Variants in RAB1A observed in about 807,000 individuals in gnomAD.
The protein encoded by RAB1A is ras-related protein Rab-1A.
RAB1A carries 2 observed loss-of-function variants against 26.0 expected under a neutral mutation model. That is an observed-to-expected ratio of 0.08 (90% CI 0.03 to 0.24). The LOEUF is 0.24. RAB1A is among the 10% of genes least tolerant of loss of function. RAB1A has a pLI of 1.00. For missense variants in RAB1A, 100 were observed against 247.0 expected (o/e 0.40, Z 3.99); for synonymous variants, 84 against 84.9 (o/e 0.99, Z 0.06).
chr2:65,115,718 A>G (rs1000771599), intron 1 of RAB1A, among the ~76,000 whole-genome samples: 18 of 152,358 alleles, frequency 1.2e-4, no homozygotes, highest in African/African-American at 4.3e-4. Flanking sequence ...CAATTAAAAA[A>G]AAATGCTTCC....
intron 1 of RAB1A, among the ~76,000 whole-genome samples, chr2:65,110,642 T>C (rs1354756200): frequency 1.3e-5 from 2 of 152,030 alleles, no homozygotes; most frequent in East Asian, 3.9e-4. Context: ...ACATTAATAA[T>C]TGCTGCAATG....
rs1573060186 is a variant in RAB1A, at chr2:65,088,297, G to A, written c.*196C>T. The A allele has an allele frequency of 1.9e-6, 1 of 517,870 alleles. No individual in the cohort carries two copies. Among genetic ancestry groups the A allele is most frequent in the East Asian group, 3.2e-5 (1 of 31,632 alleles). The allele number at this position is 517,870 out of a possible 1,614,324, so 32.1% of individuals were successfully genotyped here. A position where few individuals can be genotyped will look rare whatever the true frequency, so the allele number is the denominator to read the frequency against. ...GCACACAAAGGTTTAAAACAGTTCT[G>A]AAAATGAAGTTAGCTGTCTTGAGTC... On this transcript the variant is annotated 3_prime_UTR_variant, in exon 6 of 6. Coordinates refer to ENST00000409784, the MANE Select transcript of RAB1A (RefSeq NM_004161.5).
intron 2 of RAB1A, among the ~76,000 whole-genome samples, chr2:65,102,145 T>A (rs1452551365): frequency 6.6e-6 from 1 of 152,222 alleles, no homozygotes; most frequent in Non-Finnish European, 1.5e-5. Context: ...GCAAATGTGC[T>A]TTATATGTTG....
At chr2:65,107,748 T>C (rs1027079228) in intron 1 of RAB1A, among the ~76,000 whole-genome samples, 6 of 152,200 alleles carry the variant, frequency 3.9e-5, no homozygotes, top group African/African-American at 1.4e-4. Context: ...TTTGCTGTAC[T>C]GGAGCCAGTT....
intron 2 of RAB1A, among the ~76,000 whole-genome samples, chr2:65,099,966 A>G (rs1446403319): frequency 6.6e-6 from 1 of 152,216 alleles, no homozygotes; most frequent in African/African-American, 2.4e-5. Flanking sequence ...CAGTTTCTGC[A>G]AAAAGTCAAT....
chr2:65,117,239 T>C (rs533092081), intron 1 of RAB1A, among the ~76,000 whole-genome samples: 1 of 152,072 alleles, frequency 6.6e-6, no homozygotes, highest in Non-Finnish European at 1.5e-5. Context: ...TATTTTTTAT[T>C]TTTAGTTTTT....
intron 3 of RAB1A, among the ~76,000 whole-genome samples, chr2:65,095,949 C>T (rs895293195): frequency 2.0e-5 from 3 of 151,980 alleles, no homozygotes; most frequent in African/African-American, 7.3e-5. Context: ...GTCAGGAGTT[C>T]GAGACCAGCC....
intron 1 of RAB1A, among the ~76,000 whole-genome samples, chr2:65,113,623 T>C (rs1669755096): frequency 6.6e-6 from 1 of 152,248 alleles, no homozygotes; most frequent in African/African-American, 2.4e-5. Context: ...CAAAATTCTA[T>C]TTAGGTAAAA....
At chr2:65,102,621 T>C (rs1202919018) in intron 2 of RAB1A, among the ~76,000 whole-genome samples, 1 of 111,500 alleles carries the variant, frequency 9.0e-6, no homozygotes, top group Admixed American at 1.0e-4. Flanking sequence ...AGCTGTTCTT[T>C]CAAGTTAAAA....
At chr2:65,115,958 C>G (rs1310014524) in intron 1 of RAB1A, among the ~76,000 whole-genome samples, 2 of 152,062 alleles carry the variant, frequency 1.3e-5, no homozygotes, top group Admixed American at 6.6e-5. Flanking sequence ...GAGTTCAAAA[C>G]CAGCCTGGCC....
rs1046730573 is a variant in RAB1A, at chr2:65,088,859, T to A, written c.420+80A>T. 7.0e-6 allele frequency: 10 copies of A among 1,431,736 alleles called. No individual in the cohort carries two copies. In the African/African-American group the frequency reaches 1.3e-4, roughly 18 times the overall value. 88.7% of individuals were successfully genotyped at this position (1,431,736 alleles called of 1,614,324 possible). On this transcript the variant is annotated intron_variant, in intron 5 of 5. Coordinates refer to ENST00000409784, the MANE Select transcript of RAB1A (RefSeq NM_004161.5). Reference sequence around the variant, plus strand: ...TCTAGTGCACATATTTTTAAAAGGCTGTGGCCTTACTGTTACTGCAGAACC... The same window carrying A: ...TCTAGTGCACATATTTTTAAAAGGCAGTGGCCTTACTGTTACTGCAGAACC...
intron 1 of RAB1A, among the ~76,000 whole-genome samples, chr2:65,109,759 A>T (rs187037547): frequency 2.0e-5 from 3 of 152,036 alleles, no homozygotes; most frequent in Non-Finnish European, 2.9e-5. Flanking sequence ...AAGATTTACA[A>T]TTGTCACCCT....
At chr2:65,095,210 T>G (rs1390773791) in intron 3 of RAB1A, among the ~76,000 whole-genome samples, 10 of 152,146 alleles carry the variant, frequency 6.6e-5, no homozygotes, top group Non-Finnish European at 1.0e-4. Context: ...TTTTTCTGTA[T>G]GTTTTGCAAA....
chr2:65,091,883 T>A (rs1197626438), intron 3 of RAB1A, among the ~76,000 whole-genome samples: 1 of 152,246 alleles, frequency 6.6e-6, no homozygotes, highest in Non-Finnish European at 1.5e-5. Flanking sequence ...AATACTTTCA[T>A]AAAACGTATT....
At chr2:65,119,936 G>C (rs1446995972) in intron 1 of RAB1A, among the ~76,000 whole-genome samples, 1 of 150,850 alleles carries the variant, frequency 6.6e-6, no homozygotes, top group Non-Finnish European at 1.5e-5. Context: ...TGGTGAAGAT[G>C]CCTAATTTGG....
chr2:65,105,768 G>A (rs189790481), intron 1 of RAB1A, among the ~76,000 whole-genome samples: 1 of 148,494 alleles, frequency 6.7e-6, no homozygotes, highest in Non-Finnish European at 1.5e-5. Flanking sequence ...TGAAAACCAA[G>A]CTTTTTTTTT....
At chr2:65,104,918 C>G (rs1669518921) in intron 1 of RAB1A, 112 bp from the exon 2 acceptor site, 1 of 906,370 alleles carries the variant, frequency 1.1e-6, no homozygotes, top group Admixed American at 1.7e-5. Flanking sequence ...GACTACATCT[C>G]CTATAAAGCC....
chr2:65,119,254 C>G (rs1669896448), intron 1 of RAB1A, among the ~76,000 whole-genome samples: 1 of 151,410 alleles, frequency 6.6e-6, no homozygotes, highest in Admixed American at 6.6e-5. Context: ...ACCTGTAATC[C>G]CAGCACTTTG....
intron 3 of RAB1A, among the ~76,000 whole-genome samples, chr2:65,093,311 C>A (rs1477859229): frequency 2.0e-5 from 3 of 152,170 alleles, no homozygotes; most frequent in African/African-American, 7.2e-5. Flanking sequence ...TTTTATTCAT[C>A]TCTGTAACCT....
Sources: allele counts gnomAD v4.1 joint callset (sites outside exome capture counted in the v4.1 genomes callset), GRCh38; gene constraint gnomAD v4.1.1; transcripts MANE v1.5; gene names NCBI Gene and HGNC (gene_info 2026-07-23, HGNC 2026-07-21).